The following VAV2 variants were observed in gnomAD, a reference collection of about 807,000 sequenced individuals.
The protein encoded by VAV2 is vav guanine nucleotide exchange factor 2, also known as guanine nucleotide exchange factor VAV2.
Under a neutral mutation model 132.5 loss-of-function variants are expected in VAV2, and 67 were observed. The observed-to-expected ratio is 0.51, with a 90% CI of 0.42 to 0.62. The LOEUF (loss-of-function observed/expected upper bound fraction) is 0.62. Ranked by LOEUF, VAV2 falls within the 20% of genes least tolerant of loss-of-function variation. The pLI is 0.00. For synonymous variants in VAV2, 492 were observed against 443.5 expected (o/e 1.11, Z -1.37); for missense variants, 938 against 1,153.6 (o/e 0.81, Z 2.71).
rs1049831686 is a variant in VAV2, at chr9:133,912,729, G to T, written c.321+26374C>A. Among the ~76,000 whole-genome samples the T allele has an allele frequency of 6.6e-6, 1 of 152,086 alleles. No homozygotes were observed. Among genetic ancestry groups the T allele is most frequent in the Non-Finnish European group, 1.5e-5 (1 of 68,030 alleles). On this transcript the variant is annotated intron_variant, in intron 2 of 29. Coordinates refer to ENST00000371850, the MANE Select transcript of VAV2 (RefSeq NM_001134398.2). The surrounding 1 kb of genome is among the most constrained non-coding windows in gnomAD (Gnocchi z 4.3). ...TCACCGGTGGTTGACTATTAGGGGGGATAGTTGTGTTCTTTTATTTCTGCA... is the reference window on the plus strand; with the variant it reads ...TCACCGGTGGTTGACTATTAGGGGGTATAGTTGTGTTCTTTTATTTCTGCA...
chr9:133,810,141 G>A (rs371600645), intron 6 of VAV2, 50 bp downstream of exon 6: 36 of 1,611,642 alleles, frequency 2.2e-5, no homozygotes, highest in Non-Finnish European at 3.0e-5. Flanking sequence ...GAAAGGTCAA[G>A]AAGACGGCGC....
chr9:133,888,168 G>A (rs1588316616), intron 2 of VAV2, among the ~76,000 whole-genome samples: 1 of 152,194 alleles, frequency 6.6e-6, no homozygotes, highest in East Asian at 1.9e-4. Flanking sequence ...GCAGACTCAC[G>A]CAGACAGCAA....
intron 2 of VAV2, among the ~76,000 whole-genome samples, chr9:133,933,962 G>GGATGGATGGATA (rs1165527170): frequency 5.6e-5 from 8 of 144,080 alleles, no homozygotes; most frequent in African/African-American, 2.1e-4. Context: ...GTGGATGGAT[G>GGATGGATGGATA]GATGAATGGA....
intron 2 of VAV2, among the ~76,000 whole-genome samples, chr9:133,881,676 C>G (rs1229781254): frequency 6.6e-6 from 1 of 152,134 alleles, no homozygotes; most frequent in Admixed American, 6.5e-5. Flanking sequence ...TACAAGTGGC[C>G]GGGAACTTTG....
Position 133,912,658 on chromosome 9 carries a change from C to T in VAV2, c.321+26445G>A, listed in dbSNP as rs369770264. ...TCTTCTCCACGTGTGCACAGCACTC[C>T]CGAGGCGCTCCCAAGCTGTCAGGCA... On this transcript the variant is annotated intron_variant, in intron 2 of 29. Coordinates refer to ENST00000371850, the MANE Select transcript of VAV2 (RefSeq NM_001134398.2). This position sits in a 1 kb window ranked among gnomAD's most constrained non-coding sequence, Gnocchi z 4.3. Among the ~76,000 whole-genome samples the T allele has an allele frequency of 9.9e-5, 15 of 152,236 alleles. No individual in the cohort carries two copies. The highest frequency in any genetic ancestry group is 3.1e-4 in the African/African-American group (13 of 41,554).
At chr9:133,959,462 T>C (rs1252068746) in intron 1 of VAV2, among the ~76,000 whole-genome samples, 1 of 152,052 alleles carries the variant, frequency 6.6e-6, no homozygotes, top group African/African-American at 2.4e-5. Flanking sequence ...TCACACCCCA[T>C]TCTGCTGCAG....
Position 133,861,358 on chromosome 9 carries a change from A to C in VAV2, c.380+16T>G. ...TGAAAGGACCCGGCCTTGGCAGCGC[A>C]CTCCGGAGAGCTCACCTGATCCCTT... On this transcript the variant is annotated intron_variant, in intron 3 of 29. Transcript: ENST00000371850. 1.2e-5 allele frequency: 19 copies of C among 1,607,454 alleles called. No homozygotes were observed. Among genetic ancestry groups the C allele is most frequent in the Non-Finnish European group, 1.6e-5 (19 of 1,176,340 alleles).
intron 2 of VAV2, among the ~76,000 whole-genome samples, chr9:133,878,249 T>C (rs1317379696): frequency 1.3e-5 from 2 of 152,158 alleles, no homozygotes; most frequent in African/African-American, 4.8e-5. Flanking sequence ...GACAGGTTGC[T>C]GGCACCTCTG....
At chr9:133,812,939 C>T (rs1298009759) in intron 4 of VAV2, among the ~76,000 whole-genome samples, 2 of 152,236 alleles carry the variant, frequency 1.3e-5, no homozygotes, top group East Asian at 3.8e-4. Context: ...GTACTCGATG[C>T]AGCTCCTTGG....
intron 1 of VAV2, among the ~76,000 whole-genome samples, chr9:133,949,244 G>A (rs935955812): frequency 3.9e-5 from 6 of 151,968 alleles, no homozygotes; most frequent in Non-Finnish European, 8.8e-5. Flanking sequence ...GCAAGCTTCC[G>A]GACCCCTGTC....
intron 1 of VAV2, among the ~76,000 whole-genome samples, chr9:133,972,393 G>A (rs942260430): frequency 7.2e-5 from 11 of 152,216 alleles, no homozygotes; most frequent in Admixed American, 5.2e-4. Context: ...GGGCAGGGGT[G>A]GGGGAGGCTC....
chr9:133,963,230 T>C (rs561288957), intron 1 of VAV2, among the ~76,000 whole-genome samples: 1 of 152,268 alleles, frequency 6.6e-6, no homozygotes, highest in South Asian at 2.1e-4. Flanking sequence ...CTCTAGTAAG[T>C]ATCAATTAAT....
At chr9:133,897,952 G>C (rs530648693) in intron 2 of VAV2, among the ~76,000 whole-genome samples, 8 of 152,096 alleles carry the variant, frequency 5.3e-5, no homozygotes, top group Non-Finnish European at 1.2e-4. Flanking sequence ...CAGAAAACCT[G>C]TGAAGGCAGA....
rs1468552100 is a variant in VAV2 at position 133,796,131 on chromosome 9, C to G, written c.1032+298G>C. On this transcript the variant is annotated intron_variant, in intron 11 of 29. Coordinates refer to ENST00000371850, the MANE Select transcript of VAV2 (RefSeq NM_001134398.2). ...CCATGTCCATTTCTGCCATGGCCAC[C>G]AGGAAGCTCAGAGACCAACCACAGT... Among the ~76,000 whole-genome samples, 2 of 152,354 alleles carry G rather than the reference C, an allele frequency of 1.3e-5. 1 individual carries two copies. Among genetic ancestry groups the G allele is most frequent in the South Asian group, 4.1e-4 (2 of 4,828 alleles).
At chr9:133,838,560 C>T (rs976409037) in intron 3 of VAV2, among the ~76,000 whole-genome samples, 44 of 1,454 alleles carry the variant, frequency 0.03, no homozygotes, top group Admixed American at 0.037. Flanking sequence ...CATGGGTGGG[C>T]GGGTGGGTGG....
chr9:133,931,533 A>G (rs1743954414), intron 2 of VAV2, among the ~76,000 whole-genome samples: 1 of 151,618 alleles, frequency 6.6e-6, no homozygotes, highest in Admixed American at 6.6e-5. Flanking sequence ...CCAGAAGTGC[A>G]GCCCTCACCT....
intron 2 of VAV2, among the ~76,000 whole-genome samples, chr9:133,868,077 T>C (rs1412506709): frequency 6.6e-6 from 1 of 152,230 alleles, no homozygotes; most frequent in Non-Finnish European, 1.5e-5. Flanking sequence ...CCAATGATTG[T>C]TAACTGTCTT....
intron 10 of VAV2, among the ~76,000 whole-genome samples, chr9:133,796,959 T>C (rs1834743193): frequency 6.6e-6 from 1 of 152,190 alleles, no homozygotes; most frequent in Admixed American, 6.5e-5. Flanking sequence ...TGCACTGAGC[T>C]GTGGGGCCAC....
At chr9:133,958,677 T>C (rs1841870001) in intron 1 of VAV2, among the ~76,000 whole-genome samples, 2 of 152,070 alleles carry the variant, frequency 1.3e-5, no homozygotes, top group Non-Finnish European at 2.9e-5. Context: ...CTTTTTCTTT[T>C]CCAAGTCTCT....
Sources: gnomAD v4.1 joint callset for allele counts (sites outside exome capture counted in the v4.1 genomes callset) on GRCh38, gnomAD v4.1.1 for gene constraint, Gnocchi (gnomAD v3.1) non-coding constraint, MANE v1.5 for transcripts, NCBI Gene and HGNC (gene_info 2026-07-23, HGNC 2026-07-21) for gene names.